Variants in DLG2 observed in about 807,000 individuals in gnomAD.
The protein encoded by DLG2 is disks large homolog 2.
DLG2 carries 45 observed loss-of-function variants against 132.5 expected under a neutral mutation model. The ratio of observed to expected loss-of-function variants is 0.34; its 90% CI spans 0.27 to 0.44. The LOEUF (loss-of-function observed/expected upper bound fraction) is 0.44, where lower values mean the gene tolerates loss of function less well. Ranked by LOEUF, DLG2 falls within the 20% of genes least tolerant of loss-of-function variation. The pLI is 1.00. For synonymous variants in DLG2, 424 were observed against 419.6 expected, an observed-to-expected ratio of 1.01 and a Z score of -0.13; for missense variants, 1,045 against 1,196.9, an observed-to-expected ratio of 0.87 and a Z score of 1.87.
In DLG2 at chr11:85,185,319, T is replaced by A. The variant is rs867401089; in HGVS notation, c.187-30668A>T. 2.6e-5 allele frequency among the ~76,000 whole-genome samples: 4 copies of A among 152,032 alleles called. 1 individual carries two copies. The highest frequency in any genetic ancestry group is 9.7e-5 in the African/African-American group (4 of 41,436). On this transcript the variant is annotated intron_variant, in intron 4 of 27. Coordinates refer to ENST00000376104, the MANE Select transcript of DLG2 (RefSeq NM_001142699.3). ...CTTACTTGATCAATCAAATTCATTA[T>A]GTTATCTTTACCTGATTTTGGAAGT...
At chr11:84,019,715 G>A (rs931530592) in intron 11 of DLG2, among the ~76,000 whole-genome samples, 14 of 152,162 alleles carry the variant, frequency 9.2e-5, no homozygotes, top group African/African-American at 3.1e-4. Context: ...CAGGGAGAAT[G>A]ACACGTGAAG....
In DLG2 at chr11:84,791,522, G is replaced by A. The variant is rs141936536; in HGVS notation, c.358-256791C>T. On this transcript the variant is annotated intron_variant, in intron 6 of 27. Transcript: ENST00000376104. The stretch of plus-strand genomic sequence containing the variant: ...AGGGATTGCATTGAATCTGTAGATT[G>A]CTTTGGCTGGTATGGACATTTTAAC... Among the ~76,000 whole-genome samples, 1,444 of 152,212 alleles carry A rather than the reference G, an allele frequency of 9.5e-3. 10 individuals carry two copies. The highest frequency in any genetic ancestry group is 0.034 in the Middle Eastern group (10 of 294).
At chr11:84,050,435 T>C (rs1166751395) in intron 11 of DLG2, among the ~76,000 whole-genome samples, 6 of 151,868 alleles carry the variant, frequency 4.0e-5, no homozygotes, top group African/African-American at 9.7e-5. Flanking sequence ...GTCAGATGAG[T>C]AGATTGCAAA....
chr11:83,713,044 G>T (rs1592933443), intron 18 of DLG2, among the ~76,000 whole-genome samples: 1 of 151,932 alleles, frequency 6.6e-6, no homozygotes, highest in South Asian at 2.1e-4. Context: ...TGCAAACTGA[G>T]AATATACAAA....
chr11:84,442,481 G>A (rs1244029967), intron 7 of DLG2, among the ~76,000 whole-genome samples: 1 of 152,018 alleles, frequency 6.6e-6, no homozygotes, highest in African/African-American at 2.4e-5. Flanking sequence ...TGAACAATGA[G>A]AACACATGGA....
intron 6 of DLG2, among the ~76,000 whole-genome samples, chr11:84,995,065 G>C (rs1461208690): frequency 6.6e-6 from 1 of 152,156 alleles, no homozygotes; most frequent in Non-Finnish European, 1.5e-5. Context: ...GAGAAGAGGA[G>C]TGCAACCTTC....
intron 3 of DLG2, among the ~76,000 whole-genome samples, chr11:85,499,859 C>G (rs931136241): frequency 1.3e-5 from 2 of 152,144 alleles, no homozygotes; most frequent in Non-Finnish European, 2.9e-5. Context: ...ATGATTATCT[C>G]CATAGATGCA....
chr11:83,967,938 T>C (rs970969331), intron 12 of DLG2, among the ~76,000 whole-genome samples: 1 of 152,150 alleles, frequency 6.6e-6, no homozygotes, highest in African/African-American at 2.4e-5. Flanking sequence ...CATGTGGAGA[T>C]TCCATTTTCC....
At chr11:83,927,794 G>A (rs117731758) in intron 15 of DLG2, among the ~76,000 whole-genome samples, 4,377 of 152,204 alleles carry the variant, frequency 0.029, 101 homozygotes, top group South Asian at 0.065. Flanking sequence ...GAGATGATGG[G>A]GGCTTGGATT....
chr11:84,299,050 T>C (rs1465543169), intron 7 of DLG2, among the ~76,000 whole-genome samples: 1 of 152,210 alleles, frequency 6.6e-6, no homozygotes, highest in Non-Finnish European at 1.5e-5. Flanking sequence ...TCACACACAT[T>C]TAAGAAACGT....
intron 11 of DLG2, among the ~76,000 whole-genome samples, chr11:84,029,020 A>G (rs1566107293): frequency 1.3e-5 from 2 of 152,140 alleles, no homozygotes; most frequent in Non-Finnish European, 2.9e-5. Context: ...TCAACTTTAA[A>G]CAATTACTGT....
intron 18 of DLG2, chr11:83,651,696 C>A (rs2070519813): frequency 9.1e-6 from 3 of 327,966 alleles, no homozygotes; most frequent in Admixed American, 7.4e-5. Context: ...AGTTAAATTA[C>A]TAACCAGAAA....
At chr11:83,510,829 C>A (rs934701199) in intron 21 of DLG2, among the ~76,000 whole-genome samples, 18 of 72,830 alleles carry the variant, frequency 2.5e-4, no homozygotes, top group African/African-American at 9.4e-4. Flanking sequence ...CTGAACCATC[C>A]GTTTTTTTTT....
chr11:85,282,086 A>G (rs1361765063), intron 4 of DLG2, among the ~76,000 whole-genome samples: 1 of 152,004 alleles, frequency 6.6e-6, no homozygotes, highest in Non-Finnish European at 1.5e-5. Context: ...GAATTGAAGG[A>G]CATTATGTTA....
intron 14 of DLG2, among the ~76,000 whole-genome samples, chr11:83,954,648 T>G (rs1005888998): frequency 2.6e-5 from 4 of 152,206 alleles, no homozygotes; most frequent in Admixed American, 2.0e-4. Flanking sequence ...TGATGTCATG[T>G]TTTGCAGAAC....
chr11:85,111,538 C>T, intron 6 of DLG2, 123 bp downstream of exon 6: 9 of 676,274 alleles, frequency 1.3e-5, no homozygotes, highest in Admixed American at 3.6e-5. Flanking sequence ...ATTCTTTCTC[C>T]TTGCAAAATA....
rs570865368 is a variant in DLG2 at position 84,685,888 on chromosome 11, C to T, written c.358-151157G>A. Among the ~76,000 whole-genome samples, 16 of 152,160 alleles carry T rather than the reference C, an allele frequency of 1.1e-4. No individual in the cohort carries two copies. The East Asian group carries it at 2.3e-3, about 22-fold the overall frequency. On this transcript the variant is annotated intron_variant, in intron 6 of 27. Transcript: ENST00000376104. Reference sequence around the variant, plus strand: ...TTTTTTAGTAGAGACGAGGTTTCACCGTATTAGCCAAGATGGTCTCGATCT... The same window carrying T: ...TTTTTTAGTAGAGACGAGGTTTCACTGTATTAGCCAAGATGGTCTCGATCT...
chr11:85,313,194 T>C (rs1199151726), intron 3 of DLG2, among the ~76,000 whole-genome samples: 1 of 152,014 alleles, frequency 6.6e-6, no homozygotes, highest in Non-Finnish European at 1.5e-5. Flanking sequence ...CTTCCTCTTT[T>C]AACTCTTTTG....
At chr11:83,893,078 C>T (rs2070447658) in intron 15 of DLG2, among the ~76,000 whole-genome samples, 1 of 152,104 alleles carries the variant, frequency 6.6e-6, no homozygotes, top group Non-Finnish European at 1.5e-5. Context: ...ATACTCCATA[C>T]CCAATCCATT....
Sources: allele counts gnomAD v4.1 joint callset (sites outside exome capture counted in the v4.1 genomes callset), GRCh38; gene constraint gnomAD v4.1.1; transcripts MANE v1.5; gene names NCBI Gene and HGNC (gene_info 2026-07-23, HGNC 2026-07-21).